The following ZNF257 variants were observed in gnomAD, a reference collection of about 807,000 sequenced individuals.
ZNF257 encodes bone marrow zinc finger 4.
A neutral mutation model predicts 11.9 loss-of-function variants in ZNF257; 12 were observed. The ratio of observed to expected loss-of-function variants is 1.01; its 90% CI spans 0.65 to 1.63. The LOEUF (loss-of-function observed/expected upper bound fraction) is 1.63. ZNF257 is among the 40% of genes most tolerant of loss of function. The pLI, the probability that ZNF257 is intolerant of heterozygous loss-of-function variation, is 0.00. For synonymous variants in ZNF257, 183 were observed against 222.7 expected, an observed-to-expected ratio of 0.82 and a Z score of 1.59; for missense variants, 580 against 665.5, an observed-to-expected ratio of 0.87 and a Z score of 1.41.
chr19:22,087,737 T>C (rs1372217761), intron 3 of ZNF257: 2 of 640,638 alleles, frequency 3.1e-6, no homozygotes, highest in South Asian at 1.5e-4. Flanking sequence ...CTATGTTGCT[T>C]TTTACATCGT....
intron 3 of ZNF257, chr19:22,087,709 C>T (rs2022506946): frequency 1.4e-6 from 1 of 692,532 alleles, no homozygotes; most frequent in African/African-American, 1.9e-5. Flanking sequence ...GTTAATATAA[C>T]AGATTTTTCT....
chr19:22,087,532 A>G (rs1443544859), intron 3 of ZNF257: 2 of 1,227,674 alleles, frequency 1.6e-6, no homozygotes, highest in African/African-American at 3.1e-5. Flanking sequence ...TTTTTTCAGC[A>G]TTTTATTTAA....
At chr19:22,082,397 C>A (rs2022379319) in intron 3 of ZNF257, among the ~76,000 whole-genome samples, 1 of 152,126 alleles carries the variant, frequency 6.6e-6, no homozygotes, top group Non-Finnish European at 1.5e-5. Context: ...TGTTCTTGAA[C>A]TCCTGGTCCC....
intron 1 of ZNF257, among the ~76,000 whole-genome samples, chr19:22,059,341 T>G (rs1424842319): frequency 6.6e-6 from 1 of 152,220 alleles, no homozygotes; most frequent in Non-Finnish European, 1.5e-5. Flanking sequence ...ATTGTTCTCT[T>G]TGTGTCTATG....
intron 3 of ZNF257, among the ~76,000 whole-genome samples, chr19:22,083,746 T>G (rs1445193606): frequency 6.6e-6 from 1 of 152,144 alleles, no homozygotes; most frequent in African/African-American, 2.4e-5. Flanking sequence ...TTTATATATC[T>G]CATACAATCT....
chr19:22,069,195 T>A (rs1345260667), intron 1 of ZNF257, among the ~76,000 whole-genome samples: 2 of 152,174 alleles, frequency 1.3e-5, no homozygotes, highest in Non-Finnish European at 2.9e-5. Flanking sequence ...CTACCATCCA[T>A]GAACTTTTAG....
chr19:22,066,722 A>G (rs2021958451), intron 1 of ZNF257, among the ~76,000 whole-genome samples: 2 of 152,218 alleles, frequency 1.3e-5, no homozygotes. Context: ...TTATTTTGGC[A>G]TTGAATATAA....
chr19:22,086,325 C>G (rs1026160556), intron 3 of ZNF257, among the ~76,000 whole-genome samples: 1 of 152,042 alleles, frequency 6.6e-6, no homozygotes, highest in African/African-American at 2.4e-5. Flanking sequence ...AATTTTTCCT[C>G]ATTACATCTG....
intron 1 of ZNF257, among the ~76,000 whole-genome samples, chr19:22,061,874 T>G (rs2021803492): frequency 6.6e-6 from 1 of 152,102 alleles, no homozygotes; most frequent in South Asian, 2.1e-4. Flanking sequence ...AAGCTTTTTT[T>G]TTTTGTTGCA....
At chr19:22,077,963 G>A (rs1357105429) in intron 3 of ZNF257, among the ~76,000 whole-genome samples, 2 of 151,668 alleles carry the variant, frequency 1.3e-5, no homozygotes, top group Non-Finnish European at 2.9e-5. Context: ...TTCTAGGCCA[G>A]GCACGGTGGC....
intron 3 of ZNF257, among the ~76,000 whole-genome samples, chr19:22,076,033 C>G (rs1480447185): frequency 6.6e-6 from 1 of 151,968 alleles, no homozygotes; most frequent in Non-Finnish European, 1.5e-5. Context: ...ATTTTAGATT[C>G]AGACATTTAG....
chr19:22,068,885 C>T (rs1386383523), intron 1 of ZNF257, among the ~76,000 whole-genome samples: 2 of 152,116 alleles, frequency 1.3e-5, no homozygotes, highest in South Asian at 2.1e-4. Flanking sequence ...ACAATTGGGC[C>T]GTCAGCACAC....
intron 3 of ZNF257, among the ~76,000 whole-genome samples, chr19:22,084,192 A>G (rs1333771743): frequency 6.6e-6 from 1 of 152,062 alleles, no homozygotes; most frequent in Non-Finnish European, 1.5e-5. Flanking sequence ...TACATTTCAA[A>G]TTATATCTAT....
chr19:22,073,594 G>A (rs3752163), intron 3 of ZNF257, 30 bp downstream of exon 3: 959,755 of 1,594,036 alleles, frequency 0.6, 294,292 homozygotes, highest in South Asian at 0.82. Context: ...AGTACAACAG[G>A]TGAAACAGAT....
intron 1 of ZNF257, among the ~76,000 whole-genome samples, chr19:22,066,777 T>C (rs2021959559): frequency 6.6e-6 from 1 of 152,222 alleles, no homozygotes; most frequent in Non-Finnish European, 1.5e-5. Flanking sequence ...CAAGTGAATT[T>C]AGAATGAATT....
At chr19:22,062,887 CT>C (rs2021841373) in intron 1 of ZNF257, among the ~76,000 whole-genome samples, 1 of 152,112 alleles carries the variant, frequency 6.6e-6, no homozygotes, top group Non-Finnish European at 1.5e-5. Flanking sequence ...AGATTTTCTT[CT>C]CATTTTTTTT....
intron 1 of ZNF257, among the ~76,000 whole-genome samples, chr19:22,060,910 G>GC (rs60740351): frequency 0.66 from 99,922 of 152,026 alleles, 33,727 homozygotes; most frequent in South Asian, 0.83. Context: ...CCTCTTGTCA[G>GC]TTTGTCAAAG....
Position 22,089,595 on chromosome 19 carries a change from A to G in ZNF257, c.*153A>G. 1 of 1,452,910 alleles carries G rather than the reference A, an allele frequency of 6.9e-7. No homozygotes were observed. The highest frequency in any genetic ancestry group is 1.5e-5 in the South Asian group (1 of 66,182). 90.0% of individuals were successfully genotyped at this position (1,452,910 alleles called of 1,614,324 possible). On this transcript the variant is annotated 3_prime_UTR_variant, in exon 4 of 4. Transcript: ENST00000594947. ...CAAATCCTCAACATTTACTAAGCAT[A>G]AAATAATTCATGCTGGAGAGAAACT...
chr19:22,086,410 C>A (rs1352341226), intron 3 of ZNF257, among the ~76,000 whole-genome samples: 1 of 151,808 alleles, frequency 6.6e-6, no homozygotes, highest in Non-Finnish European at 1.5e-5. Context: ...AATTTCTGTT[C>A]TTTTATTTTT....
Sources: gnomAD v4.1 joint callset for allele counts (sites outside exome capture counted in the v4.1 genomes callset) on GRCh38, gnomAD v4.1.1 for gene constraint, MANE v1.5 for transcripts, NCBI Gene and HGNC (gene_info 2026-07-23, HGNC 2026-07-21) for gene names.